The following VASH1 variants were observed in gnomAD, a reference collection of about 807,000 sequenced individuals.
The protein encoded by VASH1 is tubulinyl-Tyr carboxypeptidase 1.
A neutral mutation model predicts 35.0 loss-of-function variants in VASH1; 16 were observed. That is an observed-to-expected ratio of 0.46 (90% CI 0.31 to 0.70). The LOEUF (loss-of-function observed/expected upper bound fraction) is 0.70. Ranked by LOEUF, VASH1 falls within the 30% of genes least tolerant of loss-of-function variation. The pLI is 0.05. For synonymous variants in VASH1, 214 were observed against 200.9 expected, an observed-to-expected ratio of 1.07 and a Z score of -0.55; for missense variants, 505 against 510.7, an observed-to-expected ratio of 0.99 and a Z score of 0.11.
intron 6 of VASH1, among the ~76,000 whole-genome samples, chr14:76,778,284 G>A (rs1014984775): frequency 1.3e-5 from 2 of 152,144 alleles, no homozygotes. Context: ...ACCAAACTCT[G>A]CTAGCCCACT....
Position 76,776,143 on chromosome 14 carries a change from A to G in VASH1, c.782A>G (p.Gln261Arg), listed in dbSNP as rs1893933548. 2 of 1,610,460 alleles carry G rather than the reference A, an allele frequency of 1.2e-6. No individual in the cohort carries two copies. The highest frequency in any genetic ancestry group is 1.3e-5 in the African/African-American group (1 of 75,060). The change falls in exon 5 of 7, where the codon CAG becomes CGG. Residue 261 changes from glutamine to arginine, a missense_variant. By Grantham distance (43) the Gln-to-Arg change is conservative. Coordinates refer to ENST00000167106, the MANE Select transcript of VASH1 (RefSeq NM_014909.5). ...WHVLKKVKLGQSVSHDPHSVE... is the reference protein window; with the variant it reads ...WHVLKKVKLGRSVSHDPHSVE... ...GTGCTCAAGAAGGTGAAGCTGGGCC[A>G]GAGCGTGTCACACGACCCGCACAGC... is the stretch of plus-strand genomic sequence containing the variant.
At chr14:76,772,197 G>A (rs1478887716) in intron 3 of VASH1, among the ~76,000 whole-genome samples, 3 of 152,024 alleles carry the variant, frequency 2.0e-5, no homozygotes, top group Non-Finnish European at 2.9e-5. Context: ...CCGAGATCAC[G>A]CCACCGCACT....
In VASH1 at chr14:76,762,658, T is replaced by C; in HGVS notation, c.-164T>C. On this transcript the variant is annotated 5_prime_UTR_variant, in exon 1 of 7. Transcript: ENST00000167106. Reference sequence around the variant, plus strand: ...CGGACCCTAATTCACCTTATTGCACTGATTTTTTTTATCAAGTCGTATTTT... The same window carrying C: ...CGGACCCTAATTCACCTTATTGCACCGATTTTTTTTATCAAGTCGTATTTT... 1.8e-6 allele frequency: 1 copy of C among 558,532 alleles called. No homozygotes were observed. The highest frequency in any genetic ancestry group is 2.9e-6 in the Non-Finnish European group (1 of 348,340). 34.6% of individuals were successfully genotyped at this position (558,532 alleles called of 1,614,324 possible).
At chr14:76,775,838 G>T (rs1170574102) in intron 4 of VASH1, 54 bp from the exon 5 acceptor site, 3 of 1,494,704 alleles carry the variant, frequency 2.0e-6, no homozygotes, top group Non-Finnish European at 1.8e-6. Flanking sequence ...AGTCCCTCCC[G>T]GTGTGCTGGC....
chr14:76,762,899 TG>T lies in VASH1; in HGVS notation c.82del (p.Val28SerfsTer123). The T allele has an allele frequency of 6.4e-7, 1 of 1,571,308 alleles. No individual in the cohort carries two copies. The highest frequency in any genetic ancestry group is 1.2e-5 in the South Asian group (1 of 83,386). On this transcript the variant is annotated frameshift_variant, in exon 1 of 7. Transcript: ENST00000167106. LOFTEE classifies it high-confidence loss of function. Reference protein sequence around the residue: ...PTSAAATAPSGVRRLETSEGT... With the variant: ...PTSAAATAPSXVRRLETSEGT... ...CGTCCGCTGCGGCCACCGCCCCCTC[TG>T]GGGTCAGGCGTTTGGAGACCAGCGA...
chr14:76,769,593 C>G, intron 1 of VASH1: 1 of 758,392 alleles, frequency 1.3e-6, no homozygotes, highest in Non-Finnish European at 1.9e-6. Context: ...CCAGAGCAAA[C>G]TTCAAACCTA....
chr14:76,769,611 C>T, intron 1 of VASH1: 1 of 563,474 alleles, frequency 1.8e-6, no homozygotes, highest in Non-Finnish European at 2.7e-6. Context: ...CTAAAATAAC[C>T]CCAATATTAT....
At position 76,779,733 on chromosome 14, in the gene VASH1, C is replaced by G. The variant is rs1894051947; in HGVS notation, c.*715C>G. ...CCTCTGGGCAAAAAGTTCCCAGGCC[C>G]TAACTGCGTCTACTTGCTCAGTCCC... On this transcript the variant is annotated 3_prime_UTR_variant, in exon 7 of 7. Transcript: ENST00000167106. The G allele has an allele frequency of 8.6e-6, 5 of 582,526 alleles. No homozygotes were observed. The highest frequency in any genetic ancestry group is 1.5e-5 in the Non-Finnish European group (5 of 329,558). The allele number at this position is 582,526 out of a possible 1,614,324, so 36.1% of individuals were successfully genotyped here.
At chr14:76,770,209 C>T (rs1339281192) in intron 2 of VASH1, among the ~76,000 whole-genome samples, 158 bp downstream of exon 2, 1 of 152,144 alleles carries the variant, frequency 6.6e-6, no homozygotes, top group South Asian at 2.1e-4. Flanking sequence ...CTGTGGGACG[C>T]GGCGCGTGTG....
intron 3 of VASH1, 47 bp downstream of exon 3, chr14:76,771,293 T>C (rs967801018): frequency 2.6e-6 from 4 of 1,540,926 alleles, no homozygotes; most frequent in Admixed American, 4.0e-5. Flanking sequence ...GGCTTGGAGC[T>C]TCTTGAAAGC....
rs537190134 is a variant in VASH1 at position 76,762,630 on chromosome 14, C to G, written c.-192C>G. On this transcript the variant is annotated 5_prime_UTR_variant, in exon 1 of 7. Coordinates refer to ENST00000167106, the MANE Select transcript of VASH1 (RefSeq NM_014909.5). Reference sequence around the variant, plus strand: ...AAGGCTGACCCCAGACAACCCACCCCCTCGGACCCTAATTCACCTTATTGC... The same window carrying G: ...AAGGCTGACCCCAGACAACCCACCCGCTCGGACCCTAATTCACCTTATTGC... 2.6e-5 allele frequency: 12 copies of G among 452,908 alleles called. No individual in the cohort carries two copies. The highest frequency in any genetic ancestry group is 2.4e-4 in the African/African-American group (12 of 49,656). 28.1% of individuals were successfully genotyped at this position (452,908 alleles called of 1,614,324 possible).
rs889974445 is a variant in VASH1, at chr14:76,779,737, C to G, written c.*719C>G. ...TGGGCAAAAAGTTCCCAGGCCCTAACTGCGTCTACTTGCTCAGTCCCAGCT... is the reference window on the plus strand; with the variant it reads ...TGGGCAAAAAGTTCCCAGGCCCTAAGTGCGTCTACTTGCTCAGTCCCAGCT... On this transcript the variant is annotated 3_prime_UTR_variant, in exon 7 of 7. Transcript: ENST00000167106. The G allele has an allele frequency of 3.4e-6, 2 of 582,346 alleles. No individual in the cohort carries two copies. Among genetic ancestry groups the G allele is most frequent in the South Asian group, 2.2e-5 (1 of 45,958 alleles). The allele number at this position is 582,346 out of a possible 1,614,324, so 36.1% of individuals were successfully genotyped here.
rs796832334 is a variant in VASH1 at position 76,769,597 on chromosome 14, A to C, written c.310-366A>C. The stretch of plus-strand genomic sequence containing the variant: ...CGGCGCTTGAACCAGAGCAAACTTC[A>C]AACCTAAAATAACCCCAATATTATA... On this transcript the variant is annotated intron_variant, in intron 1 of 6. Transcript: ENST00000167106. The C allele has an allele frequency of 2.5e-5, 18 of 720,700 alleles. No homozygotes were observed. The African/African-American group carries it at 3.2e-4, about 13-fold the overall frequency. 44.6% of individuals were successfully genotyped at this position (720,700 alleles called of 1,614,324 possible).
intron 4 of VASH1, among the ~76,000 whole-genome samples, chr14:76,775,109 G>C (rs974659574): frequency 6.6e-6 from 1 of 152,240 alleles, no homozygotes; most frequent in Non-Finnish European, 1.5e-5. Context: ...TGAAGAACAT[G>C]ACAGACAAGG....
chr14:76,772,993 G>A (rs1028540656), intron 3 of VASH1, 144 bp from the exon 4 acceptor site: 1 of 660,050 alleles, frequency 1.5e-6, no homozygotes. Context: ...AGTGTGGAGG[G>A]AGGTGCTGGG....
chr14:76,769,463 A>G, intron 1 of VASH1: 1 of 1,289,098 alleles, frequency 7.8e-7, no homozygotes, highest in Non-Finnish European at 1.0e-6. Context: ...GAATATGCCC[A>G]TGATACTGGG....
intron 1 of VASH1, chr14:76,769,558 T>A: frequency 8.6e-7 from 1 of 1,160,816 alleles, no homozygotes; most frequent in Non-Finnish European, 1.1e-6. Context: ...ACCCCGGATA[T>A]ACCAGCTTTG....
At chr14:76,768,066 G>A (rs1893690346) in intron 1 of VASH1, among the ~76,000 whole-genome samples, 1 of 152,222 alleles carries the variant, frequency 6.6e-6, no homozygotes, top group South Asian at 2.1e-4. Flanking sequence ...TTGTGCATGG[G>A]GATAATCTGC....
In VASH1 at chr14:76,776,241, C is replaced by A; in HGVS notation, c.880C>A (p.Leu294Met). 1 of 1,604,048 alleles carries A rather than the reference C, an allele frequency of 6.2e-7. No individual in the cohort carries two copies. Among genetic ancestry groups the A allele is most frequent in the African/African-American group, 1.3e-5 (1 of 74,944 alleles). The change falls in exon 5 of 7, where the codon CTG becomes ATG. Residue 294 changes from leucine (L) to methionine (M), a missense_variant. Leu to Met is a conservative substitution (Grantham distance 15). Coordinates refer to ENST00000167106, the MANE Select transcript of VASH1 (RefSeq NM_014909.5). ...GGGCCGCGATGACTTCCGCAAGGAG[C>A]TGGAGCGCCACGCCCGCGACATGCG... Reference protein sequence around the residue: ...RLGRDDFRKELERHARDMRLK... With the variant: ...RLGRDDFRKEMERHARDMRLK...
Sources: allele counts gnomAD v4.1 joint callset (sites outside exome capture counted in the v4.1 genomes callset), GRCh38; gene constraint gnomAD v4.1.1; transcripts MANE v1.5; gene names NCBI Gene and HGNC (gene_info 2026-07-23, HGNC 2026-07-21).